Variants in ADAM18 observed in about 807,000 individuals in gnomAD.
ADAM18 encodes disintegrin and metalloproteinase domain-containing protein 18.
A neutral mutation model predicts 94.4 loss-of-function variants in ADAM18; 117 were observed. The ratio of observed to expected loss-of-function variants is 1.24; its 90% CI spans 1.07 to 1.45. ADAM18 has a LOEUF of 1.45. ADAM18 is among the 40% of genes most tolerant of loss of function. The probability of loss-of-function intolerance (pLI) is 0.00; values close to 1 mark genes in which losing one functional copy is unlikely to be tolerated. For synonymous variants in ADAM18, 327 were observed against 291.6 expected (o/e 1.12, Z -1.24); for missense variants, 936 against 880.0 (o/e 1.06, Z -0.81).
intron 16 of ADAM18, among the ~76,000 whole-genome samples, chr8:39,687,970 C>T (rs1821653467): frequency 6.6e-6 from 1 of 152,058 alleles, no homozygotes; most frequent in South Asian, 2.1e-4. Context: ...GACTTATTTT[C>T]CTTTGGATGT....
intron 13 of ADAM18, among the ~76,000 whole-genome samples, chr8:39,664,152 G>A (rs1820928138): frequency 6.6e-6 from 1 of 152,160 alleles, no homozygotes; most frequent in South Asian, 2.1e-4. Flanking sequence ...AGGTGCATTA[G>A]CATGATGCAT....
intron 14 of ADAM18, among the ~76,000 whole-genome samples, chr8:39,668,978 A>T (rs1167184665): frequency 6.6e-6 from 1 of 152,092 alleles, no homozygotes; most frequent in Non-Finnish European, 1.5e-5. Flanking sequence ...ATTCAACAAA[A>T]GCTGCAGAAC....
chr8:39,584,822 T>C, intron 1 of ADAM18, 145 bp downstream of exon 1: 1 of 954,238 alleles, frequency 1.0e-6, no homozygotes, highest in South Asian at 1.5e-5. Flanking sequence ...CAGGGACACC[T>C]TTCCACGCCA....
chr8:39,668,463 A>T lies in ADAM18; in HGVS notation c.1525+267A>T, dbSNP rs528046255. On this transcript the variant is annotated intron_variant, in intron 14 of 19. Coordinates refer to ENST00000265707, the MANE Select transcript of ADAM18 (RefSeq NM_014237.3). ...ATATTTACAGCTCATCATTTATATA[A>T]ACATTAAAATCAGTAGATTCTAAAA... Among the ~76,000 whole-genome samples the T allele has an allele frequency of 1.2e-4, 18 of 152,286 alleles. No homozygotes were observed. The South Asian group carries it at 3.7e-3, about 32-fold the overall frequency.
chr8:39,667,870 G>C (rs1362578111), intron 13 of ADAM18, 128 bp from the exon 14 acceptor site: 2 of 919,440 alleles, frequency 2.2e-6, no homozygotes, highest in Non-Finnish European at 3.2e-6. Context: ...GCAAACTCAC[G>C]GACTTGGGAA....
intron 13 of ADAM18, among the ~76,000 whole-genome samples, chr8:39,667,442 A>G (rs1271545604): frequency 6.6e-6 from 1 of 151,668 alleles, no homozygotes; most frequent in African/African-American, 2.4e-5. Flanking sequence ...GATGATAGCT[A>G]TCATATATGC....
intron 14 of ADAM18, among the ~76,000 whole-genome samples, chr8:39,673,424 T>G (rs1821209695): frequency 6.6e-6 from 1 of 152,142 alleles, no homozygotes; most frequent in African/African-American, 2.4e-5. Context: ...ACCCATCAAC[T>G]CATCATTTAC....
At chr8:39,612,938 T>A (rs1819320380) in intron 6 of ADAM18, among the ~76,000 whole-genome samples, 1 of 152,164 alleles carries the variant, frequency 6.6e-6, no homozygotes, top group African/African-American at 2.4e-5. Flanking sequence ...ATTTTTCTGG[T>A]ATGTGTGCAT....
intron 17 of ADAM18, among the ~76,000 whole-genome samples, chr8:39,695,443 G>T (rs911471121): frequency 9.2e-5 from 14 of 151,518 alleles, no homozygotes; most frequent in African/African-American, 3.1e-4. Flanking sequence ...TAATTATTTA[G>T]TGGTAACTCA....
At chr8:39,697,342 G>C (rs1248134318) in intron 17 of ADAM18, among the ~76,000 whole-genome samples, 1 of 151,260 alleles carries the variant, frequency 6.6e-6, no homozygotes, top group Non-Finnish European at 1.5e-5. Flanking sequence ...TTTCCAATTT[G>C]GTTGCCTTTT....
intron 12 of ADAM18, among the ~76,000 whole-genome samples, chr8:39,661,772 A>G (rs1820847247): frequency 6.6e-6 from 1 of 152,054 alleles, no homozygotes; most frequent in Non-Finnish European, 1.5e-5. Context: ...ACAGGTACAA[A>G]TAAGGTGCAT....
At chr8:39,598,386 T>C (rs1354914299) in intron 2 of ADAM18, among the ~76,000 whole-genome samples, 1 of 152,126 alleles carries the variant, frequency 6.6e-6, no homozygotes, top group Non-Finnish European at 1.5e-5. Flanking sequence ...CCTAGGTTTT[T>C]TTAAATAGAT....
intron 17 of ADAM18, among the ~76,000 whole-genome samples, chr8:39,697,517 C>T (rs1821956972): frequency 6.6e-6 from 1 of 151,614 alleles, no homozygotes; most frequent in South Asian, 2.1e-4. Flanking sequence ...TTTTTCACAT[C>T]ATTTATTTTG....
At chr8:39,702,277 C>A (rs2129581183) in intron 17 of ADAM18, among the ~76,000 whole-genome samples, 1 of 152,188 alleles carries the variant, frequency 6.6e-6, no homozygotes, top group East Asian at 1.9e-4. Context: ...TAACTGTTGG[C>A]TGCATGTATG....
chr8:39,676,366 C>T (rs1040418136), intron 14 of ADAM18, among the ~76,000 whole-genome samples: 5 of 152,228 alleles, frequency 3.3e-5, no homozygotes, highest in African/African-American at 1.2e-4. Flanking sequence ...GATACCCCTC[C>T]CCCAGCCAGG....
chr8:39,668,002 C>T lies in ADAM18; in HGVS notation c.1331C>T (p.Ser444Leu), dbSNP rs367561055. 1.9e-6 allele frequency: 3 copies of T among 1,613,582 alleles called. No individual in the cohort carries two copies. The highest frequency in any genetic ancestry group is 2.5e-6 in the Non-Finnish European group (3 of 1,179,726). ...GPCCTSKCEL[S>L]IAGTPCRKSI... ...TATTTTTCCTTTTCCTCCCAGTTGT[C>T]AATAGCAGGCACTCCATGTAGAAAG... The change falls in exon 14 of 20, where the codon TCA (serine) becomes TTA (leucine). Residue 444 changes from serine (S) to leucine (L), a missense_variant. Transcript: ENST00000265707.
chr8:39,608,990 C>T, intron 3 of ADAM18, 52 bp from the exon 4 acceptor site: 2 of 1,029,998 alleles, frequency 1.9e-6, no homozygotes, highest in Non-Finnish European at 2.9e-6. Context: ...TTGTTTTTAA[C>T]ATTATATTAA....
At chr8:39,648,275 A>G (rs1296589489) in intron 11 of ADAM18, 69 bp from the exon 12 acceptor site, 5 of 1,276,820 alleles carry the variant, frequency 3.9e-6, no homozygotes, top group African/African-American at 3.0e-5. Flanking sequence ...ATGATTATGT[A>G]TGGAGTGTTG....
At chr8:39,660,832 T>TGTGCAATATTA (rs1820814602) in intron 12 of ADAM18, among the ~76,000 whole-genome samples, 1 of 152,222 alleles carries the variant, frequency 6.6e-6, no homozygotes, top group African/African-American at 2.4e-5. Context: ...ATTTATAATC[T>TGTGCAATATTA]GTGCAATATT....
Sources: allele counts gnomAD v4.1 joint callset (sites outside exome capture counted in the v4.1 genomes callset), GRCh38; gene constraint gnomAD v4.1.1; transcripts MANE v1.5; gene names NCBI Gene and HGNC (gene_info 2026-07-23, HGNC 2026-07-21).